RAB5A: variants seen among roughly 807,000 people sequenced by gnomAD.
RAB5A encodes ras-related protein Rab-5A.
A neutral mutation model predicts 25.7 loss-of-function variants in RAB5A; 8 were observed. The ratio of observed to expected loss-of-function variants is 0.31; its 90% confidence interval spans 0.18 to 0.56. The LOEUF (loss-of-function observed/expected upper bound fraction) is 0.56. RAB5A is among the 20% of genes least tolerant of loss of function. The pLI is 0.91. For missense variants in RAB5A, 192 were observed against 259.7 expected (o/e 0.74, Z 1.79); for synonymous variants, 98 against 89.8 (o/e 1.09, Z -0.52).
chr3:19,966,670 CTT>C (rs1443412025), intron 2 of RAB5A, among the ~76,000 whole-genome samples: 1 of 152,188 alleles, frequency 6.6e-6, no homozygotes, highest in Non-Finnish European at 1.5e-5. Flanking sequence ...ATCACCCACA[CTT>C]TACCTTTTTC....
Position 19,983,758 on chromosome 3 carries a change from A to G in RAB5A, c.583A>G (p.Arg195Gly), listed in dbSNP as rs55823411. The change falls in exon 6 of 6, where the codon AGA (arginine) becomes GGA (glycine). Residue 195 changes from arginine to glycine, a missense_variant. By Grantham distance (125) the Arg-to-Gly change is moderately radical. This residue lies in a region of RAB5A where 121 missense variants were observed against 135.7 expected (regional missense o/e 0.89). Transcript: ENST00000273047. ...ACAAAATCCAGGAGCAAATTCTGCC[A>G]GAGGAAGAGGAGTAGACCTTACCGA... ...EPQNPGANSA[R>G]GRGVDLTEPT... 1 of 1,612,698 alleles carries G rather than the reference A, an allele frequency of 6.2e-7. No individual in the cohort carries two copies. Among genetic ancestry groups the G allele is most frequent in the Non-Finnish European group, 8.5e-7 (1 of 1,179,102 alleles).
intron 2 of RAB5A, among the ~76,000 whole-genome samples, chr3:19,974,589 A>G (rs1009512735): frequency 2.6e-5 from 4 of 152,118 alleles, no homozygotes; most frequent in African/African-American, 9.7e-5. Flanking sequence ...GGTAATAATG[A>G]CTACCACAAT....
chr3:19,978,287 C>A (rs774829770), intron 4 of RAB5A, 23 bp from the exon 5 acceptor site: 23 of 1,490,624 alleles, frequency 1.5e-5, no homozygotes, highest in Non-Finnish European at 5.6e-6. Context: ...TCTCATATAT[C>A]TCATTTTTTG....
chr3:19,971,761 C>T (rs2125189538), intron 2 of RAB5A, among the ~76,000 whole-genome samples: 1 of 152,254 alleles, frequency 6.6e-6, no homozygotes, highest in Middle Eastern at 3.4e-3. Flanking sequence ...AGGTGGAAGC[C>T]ACCGCACCTG....
intron 2 of RAB5A, among the ~76,000 whole-genome samples, chr3:19,954,390 A>T (rs947302718): frequency 6.6e-6 from 1 of 152,138 alleles, no homozygotes; most frequent in African/African-American, 2.4e-5. Context: ...CAAAATTTTA[A>T]TCTCTATTTG....
chr3:19,962,653 G>A (rs1696604389), intron 2 of RAB5A, among the ~76,000 whole-genome samples: 2 of 151,990 alleles, frequency 1.3e-5, no homozygotes, highest in African/African-American at 4.8e-5. Flanking sequence ...GTATTCCCTT[G>A]CATGGGTCAT....
intron 2 of RAB5A, among the ~76,000 whole-genome samples, chr3:19,959,548 C>G (rs1230061124): frequency 6.6e-6 from 1 of 151,540 alleles, no homozygotes; most frequent in Non-Finnish European, 1.5e-5. Context: ...ATTTGCATAA[C>G]CTTTAGTGCA....
chr3:19,971,597 GAGTA>G (rs1377078754), intron 2 of RAB5A, among the ~76,000 whole-genome samples: 1 of 151,986 alleles, frequency 6.6e-6, no homozygotes, highest in Non-Finnish European at 1.5e-5. Context: ...TCAGCCTTCC[GAGTA>G]GCTGGGGTTA....
chr3:19,978,497 G>T (rs748039705), intron 5 of RAB5A, 94 bp downstream of exon 5: 46 of 854,526 alleles, frequency 5.4e-5, no homozygotes, highest in Non-Finnish European at 8.4e-5. Context: ...AAATTTTTGG[G>T]GGTGGGTTTG....
chr3:19,962,909 C>T (rs1559488301), intron 2 of RAB5A, among the ~76,000 whole-genome samples: 1 of 152,024 alleles, frequency 6.6e-6, no homozygotes, highest in Admixed American at 6.6e-5. Context: ...AACTCCTGGG[C>T]TCAAATGATA....
intron 2 of RAB5A, among the ~76,000 whole-genome samples, chr3:19,969,044 G>GTTTTTTTTTTTTTTTTTTTTTTTT (rs746635502): frequency 1.5e-5 from 1 of 65,552 alleles, no homozygotes; most frequent in Non-Finnish European, 2.7e-5. Flanking sequence ...TTTTTTTTTT[G>GTTTTTTTTTTTTTTTTTTTTTTTT]GTTTTTTTTT....
intron 5 of RAB5A, among the ~76,000 whole-genome samples, chr3:19,982,093 C>G (rs1423380357): frequency 6.6e-6 from 1 of 151,774 alleles, no homozygotes; most frequent in Admixed American, 6.6e-5. Context: ...AAAAAAAAGC[C>G]AGGCATGGTG....
intron 2 of RAB5A, among the ~76,000 whole-genome samples, chr3:19,952,542 T>C (rs1369081938): frequency 1.3e-5 from 2 of 152,232 alleles, no homozygotes; most frequent in Non-Finnish European, 2.9e-5. Context: ...GAGAATGTTA[T>C]TCATAATCTT....
intron 2 of RAB5A, among the ~76,000 whole-genome samples, chr3:19,967,744 G>C (rs1347785243): frequency 2.6e-5 from 4 of 151,776 alleles, no homozygotes; most frequent in Admixed American, 2.6e-4. Context: ...TTTCCCTCCT[G>C]GGTGCTGAGT....
chr3:19,977,984 A>G (rs1344439672), intron 4 of RAB5A, among the ~76,000 whole-genome samples: 1 of 152,210 alleles, frequency 6.6e-6, no homozygotes, highest in African/African-American at 2.4e-5. Context: ...TGCCGTTGAG[A>G]TCAAAGAGAG....
At chr3:19,971,964 A>G (rs140850847) in intron 2 of RAB5A, among the ~76,000 whole-genome samples, 1 of 152,252 alleles carries the variant, frequency 6.6e-6, no homozygotes, top group Non-Finnish European at 1.5e-5. Flanking sequence ...TTTAGTAGAC[A>G]TTTTTGAACA....
At chr3:19,960,367 C>G (rs1348477525) in intron 2 of RAB5A, among the ~76,000 whole-genome samples, 1 of 152,154 alleles carries the variant, frequency 6.6e-6, no homozygotes, top group African/African-American at 2.4e-5. Flanking sequence ...GTGGCATGAT[C>G]ATGGCTCACT....
rs1164302313 is a variant in RAB5A at position 19,985,172 on chromosome 3, G to T, written c.*1349G>T. ...AGGTTGGAATAAAGTGGTATAAAAA[G>T]CAAGTATCGGCTTTTCTCTTTTCCT... On this transcript the variant is annotated 3_prime_UTR_variant, in exon 6 of 6. Transcript: ENST00000273047. The T allele has an allele frequency of 2.0e-6, 1 of 495,012 alleles. No individual in the cohort carries two copies. The highest frequency in any genetic ancestry group is 3.5e-6 in the Non-Finnish European group (1 of 285,438). 30.7% of individuals were successfully genotyped at this position (495,012 alleles called of 1,614,324 possible).
At chr3:19,974,827 G>A (rs913768520) in intron 2 of RAB5A, among the ~76,000 whole-genome samples, 1 of 152,168 alleles carries the variant, frequency 6.6e-6, no homozygotes. Context: ...AATGGAACAG[G>A]ACATGGTGTC....
Sources: gnomAD v4.1 joint callset for allele counts (sites outside exome capture counted in the v4.1 genomes callset) on GRCh38, gnomAD v4.1.1 for gene constraint, gnomAD v4.1.1 regional missense constraint, MANE v1.5 for transcripts, NCBI Gene and HGNC (gene_info 2026-07-23, HGNC 2026-07-21) for gene names.